Variants in PPP3CC observed in about 807,000 individuals in gnomAD.
The protein encoded by PPP3CC is protein phosphatase 3 catalytic subunit gamma, also known as serine/threonine-protein phosphatase 2B catalytic subunit gamma isoform.
Under a neutral mutation model 60.3 loss-of-function variants are expected in PPP3CC, and 35 were observed. The observed-to-expected ratio is 0.58, with a 90% CI of 0.44 to 0.77. The LOEUF (loss-of-function observed/expected upper bound fraction) is 0.77. Ranked by LOEUF, PPP3CC falls within the 30% of genes least tolerant of loss-of-function variation. The probability of loss-of-function intolerance (pLI) is 0.00; values close to 1 mark genes in which losing one functional copy is unlikely to be tolerated. For synonymous variants in PPP3CC, 206 were observed against 224.3 expected, an observed-to-expected ratio of 0.92 and a Z score of 0.73; for missense variants, 570 against 628.9, an observed-to-expected ratio of 0.91 and a Z score of 1.00.
At chr8:22,508,368 G>A (rs1214183530) in intron 4 of PPP3CC, among the ~76,000 whole-genome samples, 1 of 152,092 alleles carries the variant, frequency 6.6e-6, no homozygotes, top group Non-Finnish European at 1.5e-5. Flanking sequence ...ACCATTGTCA[G>A]TCTAACCCCT....
In PPP3CC at chr8:22,477,691, T is replaced by C. The variant is rs1837935181; in HGVS notation, c.372+2067T>C. Among the ~76,000 whole-genome samples, 5 of 151,604 alleles carry C rather than the reference T, an allele frequency of 3.3e-5. No homozygotes were observed. In the South Asian group the frequency reaches 6.3e-4, roughly 19 times the overall value. On this transcript the variant is annotated intron_variant, in intron 3 of 13. Coordinates refer to ENST00000240139, the MANE Select transcript of PPP3CC (RefSeq NM_005605.5). ...TGCCTAGGCTGGAGTGCAGTGGCTA[T>C]ACACAGGTGCGATCATTTCGTACCT...
intron 6 of PPP3CC, among the ~76,000 whole-genome samples, chr8:22,520,790 C>T (rs1839385804): frequency 6.6e-6 from 1 of 152,132 alleles, no homozygotes; most frequent in African/African-American, 2.4e-5. Flanking sequence ...TCATGCAATT[C>T]ATACATCTCT....
intron 11 of PPP3CC, 36 bp downstream of exon 11, chr8:22,532,342 C>T: frequency 6.6e-7 from 1 of 1,518,198 alleles, no homozygotes; most frequent in South Asian, 1.2e-5. Context: ...GGATTAAAGG[C>T]ATTTTGAGAG....
intron 12 of PPP3CC, among the ~76,000 whole-genome samples, chr8:22,535,402 T>C (rs996286001): frequency 6.6e-6 from 1 of 152,266 alleles, no homozygotes; most frequent in Admixed American, 6.5e-5. Flanking sequence ...ATTAATATCT[T>C]AAACTAAAGT....
rs539720129 is a variant in PPP3CC, at chr8:22,499,862, A to C, written c.484+1750A>C. 2.0e-4 allele frequency among the ~76,000 whole-genome samples: 30 copies of C among 152,232 alleles called. 1 individual carries two copies. The highest frequency in any genetic ancestry group is 6.8e-3 in the Middle Eastern group (2 of 294). ...TTACCCTCATACCCTGTTTCTTTTC[A>C]TAGTGTTTATCAACACCTGAGATTT... On this transcript the variant is annotated intron_variant, in intron 4 of 13. Transcript: ENST00000240139.
At chr8:22,501,087 A>G (rs1261190571) in intron 4 of PPP3CC, among the ~76,000 whole-genome samples, 1 of 152,190 alleles carries the variant, frequency 6.6e-6, no homozygotes, top group Non-Finnish European at 1.5e-5. Context: ...ACCTGAGCTC[A>G]GGAGTTTGTG....
chr8:22,531,389 G>A (rs1839712612), intron 10 of PPP3CC: 2 of 1,429,784 alleles, frequency 1.4e-6, no homozygotes, highest in South Asian at 2.5e-5. Flanking sequence ...ATAGTCTATT[G>A]GTTAGACTTA....
At chr8:22,473,130 A>G (rs758224767) in intron 1 of PPP3CC, among the ~76,000 whole-genome samples, 5 of 152,214 alleles carry the variant, frequency 3.3e-5, no homozygotes, top group Admixed American at 6.6e-5. Flanking sequence ...AAATGATACA[A>G]TATGGTATGG....
At chr8:22,481,182 A>C (rs1325615126) in intron 3 of PPP3CC, among the ~76,000 whole-genome samples, 1 of 151,948 alleles carries the variant, frequency 6.6e-6, no homozygotes, top group Non-Finnish European at 1.5e-5. Flanking sequence ...AAAAATACAA[A>C]AAGTTAGCCG....
intron 1 of PPP3CC, among the ~76,000 whole-genome samples, chr8:22,461,720 A>C (rs145160627): frequency 3.9e-5 from 6 of 152,312 alleles, no homozygotes; most frequent in African/African-American, 1.2e-4. Flanking sequence ...TCAAAAGGAT[A>C]GAGTTAGGAA....
In PPP3CC at chr8:22,461,321, G is replaced by C. The variant is rs145573213; in HGVS notation, c.50-13633G>C. Among the ~76,000 whole-genome samples, 288 of 152,174 alleles carry C rather than the reference G, an allele frequency of 1.9e-3. 1 individual carries two copies. Among genetic ancestry groups the C allele is most frequent in the African/African-American group, 6.5e-3 (269 of 41,508 alleles). ...AGCTAATTACCACCCCTAACTGCTG[G>C]CTGGTTTTCTAGAATTGTAGAAGCA... is the stretch of plus-strand genomic sequence containing the variant. On this transcript the variant is annotated intron_variant, in intron 1 of 13. Coordinates refer to ENST00000240139, the MANE Select transcript of PPP3CC (RefSeq NM_005605.5).
intron 4 of PPP3CC, among the ~76,000 whole-genome samples, chr8:22,503,922 G>C (rs1222678368): frequency 6.6e-6 from 1 of 152,090 alleles, no homozygotes; most frequent in Non-Finnish European, 1.5e-5. Flanking sequence ...GCTCTGCATG[G>C]GTGTTTTTAC....
At chr8:22,455,692 T>C (rs935510403) in intron 1 of PPP3CC, among the ~76,000 whole-genome samples, 26 of 152,352 alleles carry the variant, frequency 1.7e-4, no homozygotes, top group African/African-American at 6.3e-4. Flanking sequence ...TATTACTTAG[T>C]TGGTTCTAGG....
intron 10 of PPP3CC, among the ~76,000 whole-genome samples, chr8:22,529,030 AT>A (rs1346987581): frequency 6.6e-6 from 1 of 152,226 alleles, no homozygotes; most frequent in African/African-American, 2.4e-5. Flanking sequence ...CTTAACCAAT[AT>A]TTATTACATG....
chr8:22,465,656 C>G (rs1312547192), intron 1 of PPP3CC, among the ~76,000 whole-genome samples: 1 of 152,114 alleles, frequency 6.6e-6, no homozygotes, highest in Non-Finnish European at 1.5e-5. Flanking sequence ...TGCCAGATGC[C>G]TGGCCCCTCA....
At chr8:22,441,572 G>C in intron 1 of PPP3CC, 114 bp downstream of exon 1, 3 of 1,218,896 alleles carry the variant, frequency 2.5e-6, no homozygotes, top group Non-Finnish European at 2.2e-6. Context: ...AGGAGGGCTC[G>C]GAGGGGTGTA....
chr8:22,488,655 C>T (rs948642213), intron 3 of PPP3CC, among the ~76,000 whole-genome samples: 5 of 152,148 alleles, frequency 3.3e-5, no homozygotes, highest in African/African-American at 1.2e-4. Context: ...GGGACAGCAT[C>T]ATGTATTTGT....
At chr8:22,470,956 A>G (rs975738177) in intron 1 of PPP3CC, among the ~76,000 whole-genome samples, 3 of 152,222 alleles carry the variant, frequency 2.0e-5, no homozygotes, top group African/African-American at 7.2e-5. Context: ...ATTCATAGCA[A>G]CTGTATTCAT....
intron 12 of PPP3CC, among the ~76,000 whole-genome samples, chr8:22,535,346 A>G (rs1385590139): frequency 6.6e-6 from 1 of 152,224 alleles, no homozygotes; most frequent in Admixed American, 6.5e-5. Context: ...ACAGGAGATC[A>G]TATTACTGGG....
Sources: allele counts gnomAD v4.1 joint callset (sites outside exome capture counted in the v4.1 genomes callset), GRCh38; gene constraint gnomAD v4.1.1; transcripts MANE v1.5; gene names NCBI Gene and HGNC (gene_info 2026-07-23, HGNC 2026-07-21).